LINGO2: variants seen among roughly 807,000 people sequenced by gnomAD.
LINGO2 encodes the protein leucine rich repeat and Ig domain containing 2, also known as leucine-rich repeat and immunoglobulin-like domain-containing nogo receptor-interacting protein 2.
LINGO2 carries 14 observed loss-of-function variants against 30.6 expected under a neutral mutation model. The ratio of observed to expected loss-of-function variants is 0.46; its 90% confidence interval spans 0.30 to 0.72. The LOEUF (loss-of-function observed/expected upper bound fraction) is 0.72. LINGO2 is among the 30% of genes least tolerant of loss of function. The probability of loss-of-function intolerance (pLI) is 0.07; values close to 1 mark genes in which losing one functional copy is unlikely to be tolerated. For missense variants in LINGO2, 729 were observed against 751.7 expected (o/e 0.97, Z 0.35); for synonymous variants, 317 against 288.5 (o/e 1.10, Z -1.00).
rs577966291 is a variant in LINGO2 at position 28,067,582 on chromosome 9, C to T, written c.-86-55177G>A. The stretch of plus-strand genomic sequence containing the variant: ...TTGCCTCTGGAAGATAGTTTCTTCC[C>T]TGTAAAACATGGCACACAGGGTGTG... On this transcript the variant is annotated intron_variant, in intron 4 of 5. Coordinates refer to ENST00000379992, the Ensembl canonical transcript of LINGO2. Among the ~76,000 whole-genome samples the T allele has an allele frequency of 1.7e-3, 254 of 152,146 alleles. 2 individuals carry two copies. Among genetic ancestry groups the T allele is most frequent in the African/African-American group, 5.3e-3 (220 of 41,522 alleles).
At chr9:28,728,620 GA>G in the LINGO2 span, among the ~76,000 whole-genome samples, 2 of 151,800 alleles carry the variant, frequency 1.3e-5, no homozygotes, top group Non-Finnish European at 2.9e-5. Flanking sequence ...ATAATGGACG[GA>G]AAAAAACATA....
the LINGO2 span, among the ~76,000 whole-genome samples, chr9:28,801,283 C>T: frequency 0.15 from 22,314 of 151,990 alleles, 1,839 homozygotes; most frequent in East Asian, 0.33. Flanking sequence ...CAAGGTAGTG[C>T]TTTCCACTGG....
chr9:28,834,115 G>C, the LINGO2 span, among the ~76,000 whole-genome samples: 1 of 151,722 alleles, frequency 6.6e-6, no homozygotes, highest in African/African-American at 2.4e-5. Context: ...GGTAGATTTA[G>C]AGAAAACATT....
intron 4 of LINGO2, among the ~76,000 whole-genome samples, chr9:28,052,735 A>T (rs1023150022): frequency 1.3e-5 from 2 of 152,216 alleles, no homozygotes; most frequent in Non-Finnish European, 2.9e-5. Context: ...AAGTAAAAGA[A>T]TTTTCTTAAG....
At chr9:28,042,666 A>AT (rs889975402) in intron 4 of LINGO2, among the ~76,000 whole-genome samples, 2 of 151,972 alleles carry the variant, frequency 1.3e-5, no homozygotes, top group African/African-American at 4.8e-5. Context: ...TATTCAATCT[A>AT]TTTTTCAGTC....
rs189854913 is a variant in LINGO2, at chr9:27,989,870, G to A, written c.-36+22485C>T. ...TTAAACTCAGGTTTTATGATTTCAA[G>A]CCTTTTGCTCTTCCCCTAAAACTGT... On this transcript the variant is annotated intron_variant, in intron 5 of 5. Coordinates refer to ENST00000379992, the Ensembl canonical transcript of LINGO2. Among the ~76,000 whole-genome samples, 4 of 152,082 alleles carry A rather than the reference G, an allele frequency of 2.6e-5. No homozygotes were observed. The East Asian group carries it at 7.8e-4, about 30-fold the overall frequency.
At chr9:29,006,983 T>C in the LINGO2 span, among the ~76,000 whole-genome samples, 6,269 of 152,180 alleles carry the variant, frequency 0.041, 200 homozygotes, top group Admixed American at 0.082. Context: ...GGTACTGCCA[T>C]CTGCAACTCT....
chr9:28,291,313 A>G (rs751261189), intron 4 of LINGO2, among the ~76,000 whole-genome samples: 102 of 152,322 alleles, frequency 6.7e-4, no homozygotes, highest in Non-Finnish European at 1.3e-3. Flanking sequence ...TGAAGTGAAC[A>G]GAAAAAGAGC....
intron 5 of LINGO2, among the ~76,000 whole-genome samples, chr9:27,976,795 A>G (rs1199468631): frequency 6.6e-6 from 1 of 152,120 alleles, no homozygotes; most frequent in Non-Finnish European, 1.5e-5. Context: ...AATAAATGTT[A>G]CATCCTTCAT....
At chr9:28,192,701 T>G (rs1819864494) in intron 4 of LINGO2, among the ~76,000 whole-genome samples, 1 of 152,196 alleles carries the variant, frequency 6.6e-6, no homozygotes. Flanking sequence ...TATCACTACA[T>G]GTTTAGACAC....
At chr9:28,643,437 G>A (rs1827696230) in intron 1 of LINGO2, among the ~76,000 whole-genome samples, 3 of 151,948 alleles carry the variant, frequency 2.0e-5, no homozygotes, top group Admixed American at 1.3e-4. Flanking sequence ...ACACACTTGG[G>A]AAAAGACAGT....
At chr9:29,022,991 A>AG in the LINGO2 span, among the ~76,000 whole-genome samples, 2 of 149,444 alleles carry the variant, frequency 1.3e-5, no homozygotes, top group African/African-American at 2.4e-5. Context: ...AAAAAAAAAA[A>AG]GAGAGAAATT....
At chr9:28,757,477 T>A in the LINGO2 span, among the ~76,000 whole-genome samples, 26,991 of 151,916 alleles carry the variant, frequency 0.18, 2,946 homozygotes, top group East Asian at 0.52. Context: ...TTACCCAGGT[T>A]TGGTAACTTG....
intron 1 of LINGO2, among the ~76,000 whole-genome samples, chr9:28,589,665 T>C (rs1824766551): frequency 6.6e-6 from 1 of 151,984 alleles, no homozygotes. Context: ...TACAAACAAA[T>C]GGAAGAACAT....
At chr9:28,638,294 T>C (rs1046270025) in intron 1 of LINGO2, among the ~76,000 whole-genome samples, 3 of 152,136 alleles carry the variant, frequency 2.0e-5, no homozygotes, top group African/African-American at 7.2e-5. Context: ...TTTTGTTGTG[T>C]CCCTGTCACG....
chr9:28,223,548 T>G (rs189075921), intron 4 of LINGO2, among the ~76,000 whole-genome samples: 3 of 152,304 alleles, frequency 2.0e-5, no homozygotes, highest in African/African-American at 7.2e-5. Context: ...AAATCAATGT[T>G]TTGTTTCATA....
chr9:29,021,372 G>C, the LINGO2 span, among the ~76,000 whole-genome samples: 35 of 152,172 alleles, frequency 2.3e-4, no homozygotes, highest in South Asian at 6.0e-3. Flanking sequence ...GAAAAGCATC[G>C]ACTAGGCCAG....
intron 4 of LINGO2, among the ~76,000 whole-genome samples, chr9:28,183,941 AC>A (rs1175193631): frequency 5.9e-5 from 9 of 152,352 alleles, no homozygotes; most frequent in African/African-American, 2.2e-4. Context: ...GACAGACATT[AC>A]CAATCAATCA....
At chr9:28,843,531 C>T in the LINGO2 span, among the ~76,000 whole-genome samples, 12 of 151,754 alleles carry the variant, frequency 7.9e-5, 1 homozygote, top group African/African-American at 2.9e-4. Context: ...CAAAGAAGGA[C>T]ACAAGACAGA....
Sources: gnomAD v4.1 joint callset for allele counts (sites outside exome capture counted in the v4.1 genomes callset) on GRCh38, gnomAD v4.1.1 for gene constraint, MANE v1.5 for transcripts, NCBI Gene and HGNC (gene_info 2026-07-23, HGNC 2026-07-21) for gene names.